Variants in STK3 observed in about 807,000 individuals in gnomAD.
STK3 encodes serine/threonine-protein kinase 3.
Under a neutral mutation model 58.0 loss-of-function variants are expected in STK3, and 41 were observed. That is an observed-to-expected ratio of 0.71 (90% confidence interval 0.55 to 0.92). The LOEUF (loss-of-function observed/expected upper bound fraction) is 0.92, where lower values mean the gene tolerates loss of function less well. Ranked by LOEUF, STK3 falls within the 40% of genes least tolerant of loss-of-function variation. STK3 has a pLI of 0.00. For missense variants in STK3, 479 were observed against 602.7 expected (o/e 0.79, Z 2.15); for synonymous variants, 170 against 191.0 (o/e 0.89, Z 0.91).
chr8:98,410,313 T>C (rs1185908266), intron 3 of STK3, among the ~76,000 whole-genome samples: 1 of 152,196 alleles, frequency 6.6e-6, no homozygotes, highest in African/African-American at 2.4e-5. Flanking sequence ...CTTCATCTAC[T>C]TCTGGAGATA....
chr8:98,918,103 T>C (rs1839410162), intron 1 of STK3, among the ~76,000 whole-genome samples: 2 of 152,232 alleles, frequency 1.3e-5, no homozygotes, highest in African/African-American at 4.8e-5. Context: ...GAGATGTGAA[T>C]TGCAAATCAA....
chr8:98,927,259 C>A (rs1839834587), intron 1 of STK3, among the ~76,000 whole-genome samples: 1 of 152,164 alleles, frequency 6.6e-6, no homozygotes, highest in Non-Finnish European at 1.5e-5. Context: ...AGGGTTGGAC[C>A]ATGTGTTGGC....
intron 1 of STK3, among the ~76,000 whole-genome samples, chr8:98,796,450 G>T (rs1048248483): frequency 1.3e-5 from 2 of 152,164 alleles, no homozygotes; most frequent in Non-Finnish European, 2.9e-5. Context: ...GCAAAAGAAT[G>T]AAACTGGACC....
intron 8 of STK3, among the ~76,000 whole-genome samples, chr8:98,574,363 T>G (rs1383972945): frequency 3.3e-5 from 5 of 152,152 alleles, no homozygotes; most frequent in Non-Finnish European, 7.3e-5. Flanking sequence ...TGAGACAGCT[T>G]GCAAGCAAAC....
chr8:98,707,073 G>C, intron 5 of STK3, 74 bp downstream of exon 5: 1 of 1,443,624 alleles, frequency 6.9e-7, no homozygotes, highest in Non-Finnish European at 9.2e-7. Flanking sequence ...CCCTCAAAAA[G>C]TAATTGAAGT....
At chr8:98,417,500 C>T (rs796946086) in intron 3 of STK3, among the ~76,000 whole-genome samples, 10 of 147,628 alleles carry the variant, frequency 6.8e-5, no homozygotes, top group African/African-American at 2.0e-4. Flanking sequence ...GGTGACAGAG[C>T]GAGACTCTGT....
At chr8:98,413,673 A>G in intron 3 of STK3, 1 of 931,990 alleles carries the variant, frequency 1.1e-6, no homozygotes, top group Non-Finnish European at 1.8e-6. Context: ...GAGGAACTCT[A>G]CAGTGTGCAC....
At chr8:98,614,957 C>A (rs888004839) in intron 6 of STK3, among the ~76,000 whole-genome samples, 1 of 152,334 alleles carries the variant, frequency 6.6e-6, no homozygotes, top group East Asian at 1.9e-4. Context: ...GTGGAGCCCA[C>A]CAGAGTTCAA....
At chr8:98,696,521 G>A (rs191494722) in intron 6 of STK3, among the ~76,000 whole-genome samples, 3 of 151,960 alleles carry the variant, frequency 2.0e-5, no homozygotes, top group East Asian at 1.9e-4. Flanking sequence ...ATTATTTTGA[G>A]ATACGTCCCA....
intron 3 of STK3, among the ~76,000 whole-genome samples, chr8:98,840,873 T>C (rs1835955689): frequency 3.9e-5 from 6 of 152,028 alleles, no homozygotes; most frequent in African/African-American, 1.5e-4. Flanking sequence ...TTAGTCAAGG[T>C]GATGGCCAGG....
chr8:98,808,095 G>GT (rs1346405509), intron 1 of STK3, among the ~76,000 whole-genome samples: 1 of 152,194 alleles, frequency 6.6e-6, no homozygotes, highest in Non-Finnish European at 1.5e-5. Flanking sequence ...AAAAATTGTC[G>GT]TGTGACAGAA....
rs564891645 is a variant in STK3 at position 98,411,014 on chromosome 8, A to G, written n.484-9501T>C. 8.5e-5 allele frequency among the ~76,000 whole-genome samples: 13 copies of G among 152,316 alleles called. No homozygotes were observed. In the South Asian group the frequency reaches 2.7e-3, roughly 32 times the overall value. On this transcript the variant is annotated intron_variant and non_coding_transcript_variant, in intron 3 of 3. Transcript: ENST00000517832. ...CAAAGCATCCATCACCACCCCCCAGAAAGTCTGACCAATTGGTTTCAACAC... is the reference window on the plus strand; with the variant it reads ...CAAAGCATCCATCACCACCCCCCAGGAAGTCTGACCAATTGGTTTCAACAC...
intron 6 of STK3, among the ~76,000 whole-genome samples, chr8:98,686,882 A>T (rs1824039983): frequency 1.3e-5 from 2 of 152,198 alleles, no homozygotes; most frequent in South Asian, 4.1e-4. Context: ...GATAAAAATA[A>T]AAATAATTTT....
chr8:98,919,487 G>A (rs186901491), intron 1 of STK3, among the ~76,000 whole-genome samples: 19 of 152,266 alleles, frequency 1.2e-4, no homozygotes, highest in Non-Finnish European at 2.4e-4. Context: ...TGGTTGCCTA[G>A]GGGGGATTGA....
rs1815450144 is a variant in STK3, at chr8:98,592,873, C to T, written c.822+3159G>A. ...CTGTCTCCCGGGTTCAAGTGATTCT[C>T]TTGCCTCAGCCTCCCAAATAGCTGG... On this transcript the variant is annotated intron_variant, in intron 7 of 10. Coordinates refer to ENST00000419617, the MANE Select transcript of STK3 (RefSeq NM_006281.4). Among the ~76,000 whole-genome samples, 4 of 152,202 alleles carry T rather than the reference C, an allele frequency of 2.6e-5. No individual in the cohort carries two copies. In the South Asian group the frequency reaches 8.3e-4, roughly 32 times the overall value.
At chr8:98,655,127 C>T (rs535035005) in intron 6 of STK3, among the ~76,000 whole-genome samples, 1 of 151,910 alleles carries the variant, frequency 6.6e-6, no homozygotes, top group African/African-American at 2.4e-5. Flanking sequence ...GTACTGGTAC[C>T]AAAACAGAGA....
At chr8:98,612,632 A>G (rs947763419) in intron 6 of STK3, among the ~76,000 whole-genome samples, 5 of 152,056 alleles carry the variant, frequency 3.3e-5, no homozygotes, top group Non-Finnish European at 7.3e-5. Flanking sequence ...AGAAAAAGCT[A>G]ACAGGTACAA....
At chr8:98,636,657 A>C (rs1407571599) in intron 6 of STK3, among the ~76,000 whole-genome samples, 1 of 152,196 alleles carries the variant, frequency 6.6e-6, no homozygotes, top group Non-Finnish European at 1.5e-5. Context: ...TCCTATTACA[A>C]GAGTATAAGT....
At chr8:98,681,872 T>C (rs1316121347) in intron 6 of STK3, among the ~76,000 whole-genome samples, 1 of 152,252 alleles carries the variant, frequency 6.6e-6, no homozygotes, top group Non-Finnish European at 1.5e-5. Context: ...TAAAAAGTCA[T>C]GTAATATTTC....
Sources: allele counts gnomAD v4.1 joint callset (sites outside exome capture counted in the v4.1 genomes callset), GRCh38; gene constraint gnomAD v4.1.1; transcripts MANE v1.5; gene names NCBI Gene and HGNC (gene_info 2026-07-23, HGNC 2026-07-21).